The following NR6A1 variants were observed in gnomAD, a reference collection of about 807,000 sequenced individuals.
NR6A1 encodes the protein retinoic acid receptor-related testis-associated receptor.
A neutral mutation model predicts 59.1 loss-of-function variants in NR6A1; 7 were observed. That is an observed-to-expected ratio of 0.12 (90% CI 0.07 to 0.22). The LOEUF (loss-of-function observed/expected upper bound fraction) is 0.22. Ranked by LOEUF, NR6A1 falls within the 10% of genes least tolerant of loss-of-function variation. NR6A1 has a pLI of 1.00. For missense variants in NR6A1, 468 were observed against 611.6 expected, an observed-to-expected ratio of 0.77 and a Z score of 2.48; for synonymous variants, 243 against 236.1, an observed-to-expected ratio of 1.03 and a Z score of -0.27.
At chr9:124,680,687 GACT>G (rs1045840285) in intron 2 of NR6A1, among the ~76,000 whole-genome samples, 18 of 152,280 alleles carry the variant, frequency 1.2e-4, no homozygotes, top group African/African-American at 4.3e-4. Flanking sequence ...GCTCTGAAGG[GACT>G]ACGAGAGTTT....
chr9:124,541,458 A>C (rs915897124), intron 4 of NR6A1, among the ~76,000 whole-genome samples: 1 of 152,210 alleles, frequency 6.6e-6, no homozygotes, highest in African/African-American at 2.4e-5. Flanking sequence ...TGTTGTATGT[A>C]AAAGAACACA....
At chr9:124,585,202 GT>G (rs1213488315) in intron 2 of NR6A1, among the ~76,000 whole-genome samples, 11 of 152,150 alleles carry the variant, frequency 7.2e-5, no homozygotes, top group African/African-American at 2.7e-4. Context: ...GCTAGCAGAG[GT>G]TGGCTCACGA....
intron 3 of NR6A1, among the ~76,000 whole-genome samples, chr9:124,548,080 A>G (rs1489409823): frequency 2.7e-5 from 4 of 146,130 alleles, no homozygotes; most frequent in African/African-American, 1.0e-4. Context: ...GCAGGCACAC[A>G]CACACTTACT....
intron 2 of NR6A1, among the ~76,000 whole-genome samples, chr9:124,596,249 T>C (rs1835267993): frequency 6.6e-6 from 1 of 152,148 alleles, no homozygotes; most frequent in Non-Finnish European, 1.5e-5. Context: ...AGCCAAAACC[T>C]TTCGGTCTAA....
chr9:124,733,058 T>C (rs537780134), intron 2 of NR6A1, among the ~76,000 whole-genome samples: 2 of 152,314 alleles, frequency 1.3e-5, no homozygotes, highest in African/African-American at 2.4e-5. Flanking sequence ...GCAAGGAGAC[T>C]GGTGTTAAAC....
chr9:124,544,244 C>G (rs369857710), intron 3 of NR6A1, among the ~76,000 whole-genome samples: 66 of 152,244 alleles, frequency 4.3e-4, no homozygotes, highest in African/African-American at 1.5e-3. Flanking sequence ...TATTCCCAGC[C>G]TAAGTTTAGA....
At chr9:124,635,806 T>C (rs1456792481) in intron 2 of NR6A1, among the ~76,000 whole-genome samples, 2 of 152,268 alleles carry the variant, frequency 1.3e-5, no homozygotes, top group Non-Finnish European at 1.5e-5. Flanking sequence ...TTGGCAATTA[T>C]GAATAAAGCT....
intron 2 of NR6A1, among the ~76,000 whole-genome samples, chr9:124,725,799 T>A (rs1839697788): frequency 6.6e-6 from 1 of 152,142 alleles, no homozygotes; most frequent in African/African-American, 2.4e-5. Flanking sequence ...AAATACCAAA[T>A]TTTAAAAACT....
At chr9:124,663,886 G>A (rs990952140) in intron 2 of NR6A1, among the ~76,000 whole-genome samples, 1 of 152,106 alleles carries the variant, frequency 6.6e-6, no homozygotes, top group Non-Finnish European at 1.5e-5. Flanking sequence ...ATAATTTAAT[G>A]CTGATACAAA....
intron 2 of NR6A1, among the ~76,000 whole-genome samples, chr9:124,635,935 C>T (rs1260431957): frequency 6.6e-6 from 1 of 152,188 alleles, no homozygotes; most frequent in Non-Finnish European, 1.5e-5. Flanking sequence ...GTAAGACAAA[C>T]TGTCTTTCAA....
intron 5 of NR6A1, 141 bp downstream of exon 5, chr9:124,539,892 A>T: frequency 1.1e-6 from 1 of 926,344 alleles, no homozygotes. Context: ...AATCTTCCTG[A>T]CCCCTACTCC....
At chr9:124,682,122 G>A (rs1442788192) in intron 2 of NR6A1, among the ~76,000 whole-genome samples, 1 of 152,060 alleles carries the variant, frequency 6.6e-6, no homozygotes, top group East Asian at 1.9e-4. Flanking sequence ...AGCCTCCCGA[G>A]TAGCTGGGAC....
Position 124,632,045 on chromosome 9 carries a change from C to A in NR6A1, c.143-77475G>T, listed in dbSNP as rs552831068. ...CATAGTATTCCATGATGTATATGTA[C>A]ATTTTCTTTACCTAGCCTATCATTG... is the stretch of plus-strand genomic sequence containing the variant. On this transcript the variant is annotated intron_variant, in intron 2 of 9. Coordinates refer to ENST00000487099, the MANE Select transcript of NR6A1 (RefSeq NM_033334.4). 2.0e-5 allele frequency among the ~76,000 whole-genome samples: 3 copies of A among 152,260 alleles called. 1 individual carries two copies. Among genetic ancestry groups the A allele is most frequent in the Non-Finnish European group, 4.4e-5 (3 of 68,012 alleles).
intron 1 of NR6A1, among the ~76,000 whole-genome samples, chr9:124,735,869 G>A (rs1211161587): frequency 6.6e-6 from 1 of 152,154 alleles, no homozygotes; most frequent in Admixed American, 6.5e-5. Context: ...ATGGTAGAAT[G>A]AGCTCTTTAG....
rs374550551 is a variant in NR6A1, at chr9:124,690,987, G to T, written c.142+42321C>A. ...CTTTTTAGAATGCTATGAATTTAAG[G>T]AATAATATTTTGTAAGCATCTAAAG... On this transcript the variant is annotated intron_variant, in intron 2 of 9. Coordinates refer to ENST00000487099, the MANE Select transcript of NR6A1 (RefSeq NM_033334.4). Among the ~76,000 whole-genome samples, 41 of 152,180 alleles carry T rather than the reference G, an allele frequency of 2.7e-4. No individual in the cohort carries two copies. In the East Asian group the frequency reaches 4.1e-3, roughly 15 times the overall value.
chr9:124,622,848 C>G (rs1836118008), intron 2 of NR6A1, among the ~76,000 whole-genome samples: 1 of 136,922 alleles, frequency 7.3e-6, no homozygotes, highest in African/African-American at 2.7e-5. Flanking sequence ...CCTGCACAAG[C>G]AGGGCACAAT....
intron 3 of NR6A1, among the ~76,000 whole-genome samples, chr9:124,544,278 G>A (rs1016397454): frequency 6.6e-6 from 1 of 152,140 alleles, no homozygotes; most frequent in Non-Finnish European, 1.5e-5. Flanking sequence ...ATCAGAACAG[G>A]TTTTTTGGTT....
chr9:124,658,948 C>T (rs1449430257), intron 2 of NR6A1, among the ~76,000 whole-genome samples: 1 of 152,086 alleles, frequency 6.6e-6, no homozygotes, highest in East Asian at 1.9e-4. Flanking sequence ...GTTATGAAGT[C>T]AGTTATTATA....
At chr9:124,751,310 CAAG>C (rs1301600689) in intron 1 of NR6A1, among the ~76,000 whole-genome samples, 15 of 152,304 alleles carry the variant, frequency 9.8e-5, no homozygotes, top group African/African-American at 3.6e-4. Flanking sequence ...AACTTTCTAA[CAAG>C]AACATAAACA....
Sources: allele counts gnomAD v4.1 joint callset (sites outside exome capture counted in the v4.1 genomes callset), GRCh38; gene constraint gnomAD v4.1.1; transcripts MANE v1.5; gene names NCBI Gene and HGNC (gene_info 2026-07-23, HGNC 2026-07-21).